Variants in HAUS7 observed in about 807,000 individuals in gnomAD.
HAUS7 encodes the protein HAUS augmin-like complex subunit 7.
A neutral mutation model predicts 28.4 loss-of-function variants in HAUS7; 3 were observed. The ratio of observed to expected loss-of-function variants is 0.11; its 90% CI spans 0.05 to 0.27. HAUS7 has a LOEUF of 0.27. Among genes scored for constraint, HAUS7 ranks in the 10% least tolerant of loss-of-function variants. The pLI is 1.00. For synonymous variants in HAUS7, 165 were observed against 132.1 expected (o/e 1.25, Z -1.71); for missense variants, 284 against 297.3 (o/e 0.96, Z 0.33).
intron 1 of HAUS7, among the ~76,000 whole-genome samples, chrX:153,494,769 C>T (rs868910786): frequency 7.7e-5 from 2 of 26,127 alleles, no homozygotes; most frequent in South Asian, 2.6e-3. Context: ...GGCGAGGGGG[C>T]GGGGGCTCAG....
intron 1 of HAUS7, among the ~76,000 whole-genome samples, chrX:153,490,990 G>A (rs2089668112): frequency 9.0e-6 from 1 of 111,673 alleles, no homozygotes; most frequent in African/African-American, 3.3e-5. Flanking sequence ...CTGTCTCTCC[G>A]TCCCATCCCC....
chrX:153,481,346 T>C, intron 1 of HAUS7: 12 of 748,986 alleles, frequency 1.6e-5, no homozygotes, highest in Non-Finnish European at 1.9e-5. Context: ...GCAGGGGCTG[T>C]CTCTCTTCCT....
rs782321995 is a variant in HAUS7, at chrX:153,455,643, C to G, written c.829G>C (p.Asp277His). The change falls in exon 8 of 10, where the codon GAC (aspartate) becomes CAC (histidine). Residue 277 changes from aspartate (D) to histidine (H), a missense_variant. Asp to His is a moderately conservative substitution (Grantham distance 81). Transcript: ENST00000370211. ...TGGCAGCACTCGCCCAGCTCGTCGT[C>G]GTAGACTTGGAGAAAAGCCAAGATT... ...QLILAFLQVY[D>H]DELGECCQRP... The G allele has an allele frequency of 6.6e-6, 8 of 1,208,467 alleles. No homozygotes were observed. The Admixed American group carries it at 1.3e-4, about 20-fold the overall frequency.
At chrX:153,481,531 A>G in intron 1 of HAUS7, 1 of 756,378 alleles carries the variant, frequency 1.3e-6, no homozygotes, top group Non-Finnish European at 1.6e-6. Flanking sequence ...CCAGCAGGCC[A>G]TGCCCTCTCT....
chrX:153,492,456 C>T (rs1556989815), intron 1 of HAUS7, among the ~76,000 whole-genome samples: 1 of 112,256 alleles, frequency 8.9e-6, no homozygotes, highest in Non-Finnish European at 1.9e-5. Flanking sequence ...GGCCCCGGGC[C>T]GGGCGTGCAG....
At chrX:153,492,608 A>G (rs1259321327) in intron 1 of HAUS7, among the ~76,000 whole-genome samples, 1 of 111,590 alleles carries the variant, frequency 9.0e-6, no homozygotes, top group Non-Finnish European at 1.9e-5. Context: ...GTCTCCCCCA[A>G]GCAGGGTGTC....
At chrX:153,484,658 C>T (rs1556988100) in intron 1 of HAUS7, among the ~76,000 whole-genome samples, 1 of 112,888 alleles carries the variant, frequency 8.9e-6, no homozygotes, top group African/African-American at 3.2e-5. Context: ...TCCTTGCGTT[C>T]CAGGAAAAAG....
chrX:153,477,385 C>T (rs144009650), intron 1 of HAUS7, among the ~76,000 whole-genome samples: 58 of 113,535 alleles, frequency 5.1e-4, no homozygotes, highest in Non-Finnish European at 9.2e-4. Flanking sequence ...CGTCCAGTCT[C>T]CCGACCCCAG....
chrX:153,462,043 G>T, intron 4 of HAUS7: 1 of 722,107 alleles, frequency 1.4e-6, no homozygotes, highest in Non-Finnish European at 2.1e-6. Context: ...CTGTGTCATA[G>T]GCCATTGGTC....
chrX:153,484,949 G>T (rs1293134233), intron 1 of HAUS7, among the ~76,000 whole-genome samples: 1 of 112,842 alleles, frequency 8.9e-6, no homozygotes, highest in Non-Finnish European at 1.9e-5. Flanking sequence ...CGGGGGCTGA[G>T]GGTGTTGCCA....
At chrX:153,448,446 T>G in intron 9 of HAUS7, among the ~76,000 whole-genome samples, 1 of 105,970 alleles carries the variant, frequency 9.4e-6, no homozygotes, top group African/African-American at 3.5e-5. Context: ...CTAATGTAAA[T>G]GACGAGTTAA....
chrX:153,461,520 C>T (rs1302089600), intron 4 of HAUS7: 1 of 108,739 alleles, frequency 9.2e-6, no homozygotes, highest in Non-Finnish European at 1.9e-5. Flanking sequence ...AAAAACAAAA[C>T]AAAACAAAAA....
intron 1 of HAUS7, among the ~76,000 whole-genome samples, chrX:153,478,023 C>A (rs1556986559): frequency 8.9e-6 from 1 of 112,676 alleles, no homozygotes; most frequent in Non-Finnish European, 1.9e-5. Flanking sequence ...GGCCCCTGCC[C>A]CTCCTCCACT....
At chrX:153,479,407 GGAA>G (rs1377146561) in intron 1 of HAUS7, 1 of 750,134 alleles carries the variant, frequency 1.3e-6, no homozygotes, top group East Asian at 1.5e-4. Context: ...GGCACCAGCA[GGAA>G]GAAGACTGCC....
chrX:153,454,887 C>T (rs1556981742), intron 8 of HAUS7: 3 of 1,030,220 alleles, frequency 2.9e-6, no homozygotes, highest in African/African-American at 3.8e-5. Context: ...CATCCCTGAT[C>T]GAGGGGTCTC....
upstream of HAUS7, among the ~76,000 whole-genome samples, chrX:153,471,737 G>A (rs782125415): frequency 8.9e-6 from 1 of 112,372 alleles, no homozygotes; most frequent in South Asian, 3.7e-4. Flanking sequence ...GGCAACTGCA[G>A]TCATCCAAGT....
chrX:153,459,266 G>A (rs1402071069), intron 4 of HAUS7, among the ~76,000 whole-genome samples: 1 of 111,647 alleles, frequency 9.0e-6, no homozygotes, highest in Non-Finnish European at 1.9e-5. Flanking sequence ...GAGTTGTAAG[G>A]GTTGTTAATA....
chrX:153,462,576 G>T, intron 4 of HAUS7, 34 bp downstream of exon 4: 1 of 1,069,334 alleles, frequency 9.4e-7, no homozygotes, highest in Non-Finnish European at 1.3e-6. Context: ...GAAAGCGTGC[G>T]TGCCGTCTGC....
At chrX:153,492,329 G>A (rs2089676419) in intron 1 of HAUS7, among the ~76,000 whole-genome samples, 1 of 112,153 alleles carries the variant, frequency 8.9e-6, no homozygotes, top group Non-Finnish European at 1.9e-5. Flanking sequence ...GGGAGGGGGA[G>A]CAGAAGGGGG....
Sources: gnomAD v4.1 joint callset for allele counts (sites outside exome capture counted in the v4.1 genomes callset) on GRCh38, gnomAD v4.1.1 for gene constraint, MANE v1.5 for transcripts, NCBI Gene and HGNC (gene_info 2026-07-23, HGNC 2026-07-21) for gene names.